USP4: variants seen among roughly 807,000 people sequenced by gnomAD.
USP4 encodes ubiquitin specific peptidase 4, also known as ubiquitin carboxyl-terminal hydrolase 4.
In USP4, 72 loss-of-function variants were observed where a neutral mutation model predicts 118.2. The observed-to-expected ratio is 0.61, with a 90% confidence interval of 0.50 to 0.74. The LOEUF is 0.74. Ranked by LOEUF, USP4 falls within the 30% of genes least tolerant of loss-of-function variation. The pLI, the probability that USP4 is intolerant of heterozygous loss-of-function variation, is 0.00. For synonymous variants in USP4, 415 were observed against 440.4 expected (o/e 0.94, Z 0.72); for missense variants, 1,037 against 1,185.7 (o/e 0.87, Z 1.84).
intron 15 of USP4, among the ~76,000 whole-genome samples, chr3:49,291,484 G>C (rs896790869): frequency 5.3e-5 from 8 of 150,284 alleles, no homozygotes; most frequent in African/African-American, 1.9e-4. Context: ...CTGAGGTAGA[G>C]AGTTGCTTGA....
rs1290047519 is a variant in USP4, at chr3:49,301,695, AT to A, written c.1287+688del. ...AGAGTGAGACTCCATCTCAAAAAAAATAAATAAATAAATTTTAAAAATAAAG... is the reference window on the plus strand; with the variant it reads ...AGAGTGAGACTCCATCTCAAAAAAAAAAATAAATAAATTTTAAAAATAAAG... On this transcript the variant is annotated intron_variant, in intron 10 of 21. Coordinates refer to ENST00000265560, the MANE Select transcript of USP4 (RefSeq NM_003363.4). Among the ~76,000 whole-genome samples the A allele has an allele frequency of 2.6e-5, 4 of 152,158 alleles. 1 individual carries two copies. The South Asian group carries it at 8.3e-4, about 32-fold the overall frequency.
chr3:49,316,998 C>T (rs917455103), intron 6 of USP4: 4 of 724,854 alleles, frequency 5.5e-6, no homozygotes, highest in Non-Finnish European at 9.5e-6. Flanking sequence ...AAGGCAGCTG[C>T]TGCCATGAAG....
chr3:49,301,663 G>A (rs2047264540), intron 10 of USP4, among the ~76,000 whole-genome samples: 1 of 151,866 alleles, frequency 6.6e-6, no homozygotes, highest in Non-Finnish European at 1.5e-5. Flanking sequence ...ACTCCAGCCT[G>A]GGCAACAGAG....
chr3:49,280,072 G>A (rs930396482), intron 20 of USP4, among the ~76,000 whole-genome samples: 5 of 152,190 alleles, frequency 3.3e-5, no homozygotes, highest in Non-Finnish European at 7.4e-5. Flanking sequence ...AGACCAGCCT[G>A]GGCAACATGC....
intron 16 of USP4, 151 bp downstream of exon 16, chr3:49,285,947 T>C: frequency 1.4e-6 from 1 of 705,482 alleles, no homozygotes; most frequent in Non-Finnish European, 2.4e-6. Context: ...GAAACAGTCC[T>C]TAGGGGGCTT....
intron 2 of USP4, among the ~76,000 whole-genome samples, chr3:49,332,451 C>CA (rs879374052): frequency 0.027 from 3,659 of 135,036 alleles, 158 homozygotes; most frequent in African/African-American, 0.092. Flanking sequence ...GACCCTGTCT[C>CA]AAAAAAAAAA....
intron 6 of USP4, among the ~76,000 whole-genome samples, chr3:49,313,667 T>A (rs915563562): frequency 5.9e-5 from 9 of 152,230 alleles, no homozygotes; most frequent in African/African-American, 2.2e-4. Flanking sequence ...GAATTTTGTT[T>A]CTTCAAATTT....
intron 17 of USP4, 98 bp from the exon 18 acceptor site, chr3:49,284,682 A>G: frequency 2.4e-6 from 3 of 1,248,232 alleles, no homozygotes; most frequent in Non-Finnish European, 3.5e-6. Context: ...AATGTAGTAC[A>G]CTTTCTAGAG....
chr3:49,321,671 G>T (rs1297960728), intron 6 of USP4, among the ~76,000 whole-genome samples: 1 of 152,034 alleles, frequency 6.6e-6, no homozygotes, highest in Non-Finnish European at 1.5e-5. Context: ...GTTTCAGCAT[G>T]TTGGCCAGCC....
chr3:49,289,075 C>T (rs2047127386), intron 15 of USP4, among the ~76,000 whole-genome samples: 1 of 152,070 alleles, frequency 6.6e-6, no homozygotes, highest in Admixed American at 6.6e-5. Flanking sequence ...TGTGCCACTG[C>T]ACTCCAGCCT....
At chr3:49,312,136 C>T (rs912438385) in intron 6 of USP4, 1 of 206,572 alleles carries the variant, frequency 4.8e-6, no homozygotes, top group Admixed American at 5.5e-5. Context: ...CCAGCCTGAC[C>T]AACATGGAGA....
At chr3:49,278,699 C>G in intron 21 of USP4, 115 bp downstream of exon 21, 1 of 923,928 alleles carries the variant, frequency 1.1e-6, no homozygotes, top group Non-Finnish European at 1.7e-6. Flanking sequence ...CTCTGTCACA[C>G]CTAGCTCCCA....
chr3:49,312,474 CAA>C (rs762051436), intron 6 of USP4: 215 of 382,012 alleles, frequency 5.6e-4, no homozygotes, highest in East Asian at 9.2e-4. Flanking sequence ...GACTCCATCT[CAA>C]AAAAAAAAAA....
Position 49,327,758 on chromosome 3 carries a change from G to A in USP4, c.288C>T (p.Val96=). 6.2e-7 allele frequency: 1 copy of A among 1,613,928 alleles called. No homozygotes were observed. The stretch of plus-strand genomic sequence containing the variant: ...GTAGTTTATTCCACGCCTCGGTAGG[G>A]ACCAATACATAGTCCAATTCATCAA... ...HLIDELDYVL[V]PTEAWNKLLN... The change falls in exon 3 of 22, where the codon GTC becomes GTT. Residue 96 remains valine (V), a synonymous_variant. Transcript: ENST00000265560.
intron 19 of USP4, among the ~76,000 whole-genome samples, chr3:49,282,559 G>A (rs1350802865): frequency 6.6e-6 from 1 of 152,086 alleles, no homozygotes; most frequent in Non-Finnish European, 1.5e-5. Flanking sequence ...TTACAGGTGT[G>A]AGCCACTGCG....
chr3:49,292,806 G>A (rs2047164462), intron 14 of USP4, among the ~76,000 whole-genome samples: 1 of 152,182 alleles, frequency 6.6e-6, no homozygotes. Context: ...AAGGCAGGTG[G>A]ATCACCTGAG....
At chr3:49,303,308 G>A (rs925127490) in intron 9 of USP4, among the ~76,000 whole-genome samples, 5 of 151,956 alleles carry the variant, frequency 3.3e-5, no homozygotes, top group Non-Finnish European at 5.9e-5. Flanking sequence ...GGGCATGGTG[G>A]TGCACACCTG....
intron 6 of USP4, among the ~76,000 whole-genome samples, chr3:49,315,036 AAAAG>A (rs1301893785): frequency 6.6e-6 from 1 of 152,132 alleles, no homozygotes; most frequent in Non-Finnish European, 1.5e-5. Context: ...AATTCAATCA[AAAAG>A]AAACCAAATT....
intron 6 of USP4, chr3:49,311,879 A>C (rs570168938): frequency 9.4e-5 from 113 of 1,206,026 alleles, no homozygotes; most frequent in Non-Finnish European, 2.5e-5. Flanking sequence ...ATACCCTTTC[A>C]GTGTGAAAAA....
Sources: gnomAD v4.1 joint callset for allele counts (sites outside exome capture counted in the v4.1 genomes callset) on GRCh38, gnomAD v4.1.1 for gene constraint, MANE v1.5 for transcripts, NCBI Gene and HGNC (gene_info 2026-07-23, HGNC 2026-07-21) for gene names.